ARMH3: variants seen among roughly 807,000 people sequenced by gnomAD.
ARMH3 encodes armadillo-like helical domain-containing protein 3.
In ARMH3, 60 loss-of-function variants were observed where a neutral mutation model predicts 99.1. That is an observed-to-expected ratio of 0.61 (90% CI 0.49 to 0.75). ARMH3 has a LOEUF of 0.75. ARMH3 is among the 30% of genes least tolerant of loss of function. ARMH3 has a pLI of 0.00. For synonymous variants in ARMH3, 285 were observed against 292.8 expected, an observed-to-expected ratio of 0.97 and a Z score of 0.27; for missense variants, 679 against 843.1, an observed-to-expected ratio of 0.81 and a Z score of 2.41.
chr10:101,941,089 C>T (rs1844221810), intron 22 of ARMH3, among the ~76,000 whole-genome samples: 1 of 152,190 alleles, frequency 6.6e-6, no homozygotes, highest in Non-Finnish European at 1.5e-5. Flanking sequence ...AGTACGGTAA[C>T]TGATTGCAGT....
chr10:101,949,141 GAA>G (rs914458545), intron 22 of ARMH3, among the ~76,000 whole-genome samples: 4 of 151,662 alleles, frequency 2.6e-5, no homozygotes, highest in African/African-American at 9.7e-5. Context: ...TAGAAAAAAA[GAA>G]AAGTCTCATA....
At chr10:101,884,015 C>T (rs1009429082) in intron 24 of ARMH3, among the ~76,000 whole-genome samples, 1 of 151,654 alleles carries the variant, frequency 6.6e-6, no homozygotes, top group African/African-American at 2.4e-5. Flanking sequence ...CACACACACC[C>T]GCCAAGCAAA....
chr10:101,851,578 G>A (rs1373958109), intron 24 of ARMH3, among the ~76,000 whole-genome samples: 1 of 152,138 alleles, frequency 6.6e-6, no homozygotes, highest in Non-Finnish European at 1.5e-5. Context: ...GGGCCCAAAG[G>A]TGCCTCTGCA....
At chr10:101,892,906 T>G (rs2067728014) in intron 23 of ARMH3, among the ~76,000 whole-genome samples, 1 of 152,224 alleles carries the variant, frequency 6.6e-6, no homozygotes, top group South Asian at 2.1e-4. Context: ...TGACAACTTA[T>G]TTTTCCAGAA....
chr10:102,017,663 C>T (rs537544632), intron 8 of ARMH3, among the ~76,000 whole-genome samples: 1 of 152,312 alleles, frequency 6.6e-6, no homozygotes, highest in East Asian at 1.9e-4. Context: ...GGCTATTACA[C>T]ATGACAGAGA....
intron 23 of ARMH3, among the ~76,000 whole-genome samples, chr10:101,922,911 T>C (rs1843359061): frequency 6.6e-6 from 1 of 152,186 alleles, no homozygotes; most frequent in African/African-American, 2.4e-5. Flanking sequence ...TTTCATCATA[T>C]GAAAATGGTG....
intron 22 of ARMH3, among the ~76,000 whole-genome samples, chr10:101,954,306 T>A (rs1330558165): frequency 6.6e-6 from 1 of 152,210 alleles, no homozygotes; most frequent in Non-Finnish European, 1.5e-5. Flanking sequence ...CTTCACCTGA[T>A]AAATGGATAA....
In ARMH3 at chr10:101,910,035, C is replaced by T. The variant is rs561990586; in HGVS notation, c.1782-20545G>A. ...TGCTATGTAGACCTTGTTGCAAAAA[C>T]GCTTTCCCTGTTACTTGTCTACCTG... On this transcript the variant is annotated intron_variant, in intron 23 of 25. Transcript: ENST00000370033. 3.3e-5 allele frequency among the ~76,000 whole-genome samples: 5 copies of T among 152,260 alleles called. No homozygotes were observed. In the South Asian group the frequency reaches 6.2e-4, roughly 19 times the overall value.
intron 1 of ARMH3, among the ~76,000 whole-genome samples, chr10:102,042,741 T>C (rs907781764): frequency 1.3e-5 from 2 of 152,214 alleles, no homozygotes; most frequent in Non-Finnish European, 2.9e-5. Flanking sequence ...AACTTTTTCC[T>C]TGGGTCTCAG....
intron 24 of ARMH3, among the ~76,000 whole-genome samples, chr10:101,854,339 GGA>G (rs904940241): frequency 6.6e-6 from 1 of 152,108 alleles, no homozygotes; most frequent in Non-Finnish European, 1.5e-5. Flanking sequence ...TACAATTGAT[GGA>G]AACACTGTCA....
At chr10:101,866,182 T>C (rs915709560) in intron 24 of ARMH3, among the ~76,000 whole-genome samples, 4 of 151,406 alleles carry the variant, frequency 2.6e-5, no homozygotes, top group Non-Finnish European at 5.9e-5. Context: ...GATTGCACCA[T>C]TGCACTCCAG....
chr10:101,938,994 A>T (rs987510870), intron 23 of ARMH3, among the ~76,000 whole-genome samples: 1 of 152,200 alleles, frequency 6.6e-6, no homozygotes, highest in Non-Finnish European at 1.5e-5. Context: ...TTAAATAAAA[A>T]GAAAGAAAAG....
At chr10:101,976,357 T>G (rs536509722) in intron 19 of ARMH3, among the ~76,000 whole-genome samples, 3 of 149,728 alleles carry the variant, frequency 2.0e-5, no homozygotes, top group Non-Finnish European at 4.4e-5. Flanking sequence ...AAAAAGAACT[T>G]CTGCCTTCTT....
intron 9 of ARMH3, 80 bp downstream of exon 9, chr10:102,013,888 T>G (rs1377996872): frequency 3.3e-6 from 4 of 1,201,068 alleles, no homozygotes; most frequent in Non-Finnish European, 4.7e-6. Flanking sequence ...CTCTGCTCTC[T>G]GTTCTAAATG....
At chr10:101,915,511 T>C (rs1843041556) in intron 23 of ARMH3, among the ~76,000 whole-genome samples, 1 of 152,160 alleles carries the variant, frequency 6.6e-6, no homozygotes, top group Non-Finnish European at 1.5e-5. Flanking sequence ...TAGAGATAGT[T>C]TGGCATTTGG....
intron 24 of ARMH3, among the ~76,000 whole-genome samples, chr10:101,858,852 T>C (rs1334114176): frequency 6.6e-6 from 1 of 152,230 alleles, no homozygotes; most frequent in Non-Finnish European, 1.5e-5. Flanking sequence ...ATTTTCATAA[T>C]GTCTAACAGA....
At chr10:101,916,578 A>C (rs1056343895) in intron 23 of ARMH3, among the ~76,000 whole-genome samples, 1 of 152,230 alleles carries the variant, frequency 6.6e-6, no homozygotes, top group Non-Finnish European at 1.5e-5. Flanking sequence ...TTTAAAATTA[A>C]GGAATAACTT....
chr10:101,902,967 T>C (rs775474459), intron 23 of ARMH3, among the ~76,000 whole-genome samples: 2 of 152,126 alleles, frequency 1.3e-5, no homozygotes, highest in Non-Finnish European at 2.9e-5. Context: ...CTCTGGCAGA[T>C]TGTCTCCACA....
intron 17 of ARMH3, 48 bp from the exon 18 acceptor site, chr10:101,992,086 G>A: frequency 7.1e-7 from 1 of 1,417,574 alleles, no homozygotes; most frequent in Non-Finnish European, 1.0e-6. Flanking sequence ...CACCGGCACT[G>A]ACATCCAATG....
Sources: gnomAD v4.1 joint callset for allele counts (sites outside exome capture counted in the v4.1 genomes callset) on GRCh38, gnomAD v4.1.1 for gene constraint, MANE v1.5 for transcripts, NCBI Gene and HGNC (gene_info 2026-07-23, HGNC 2026-07-21) for gene names.